Variants in DYM observed in about 807,000 individuals in gnomAD.
The protein encoded by DYM is dyggve-Melchior-Clausen syndrome protein.
Under a neutral mutation model 93.1 loss-of-function variants are expected in DYM, and 78 were observed. The observed-to-expected ratio is 0.84, with a 90% CI of 0.70 to 1.01. DYM has a LOEUF of 1.01. Among genes scored for constraint, DYM ranks in the 50% least tolerant of loss-of-function variants. The pLI, the probability that DYM is intolerant of heterozygous loss-of-function variation, is 0.00. For synonymous variants in DYM, 321 were observed against 319.7 expected (o/e 1.00, Z -0.04); for missense variants, 789 against 845.0 (o/e 0.93, Z 0.82).
In DYM at chr18:49,118,746, G is replaced by A. The variant is rs1316640687; in HGVS notation, c.1909C>T (p.Leu637=). 4 of 1,612,580 alleles carry A rather than the reference G, an allele frequency of 2.5e-6. No individual in the cohort carries two copies. The highest frequency in any genetic ancestry group is 3.4e-6 in the Non-Finnish European group (4 of 1,178,788). Residue 637 remains leucine (L), a splice_region_variant and synonymous_variant, in exon 16 of 18, where the codon CTG becomes TTG. Coordinates refer to ENST00000675505, the MANE Select transcript of DYM (RefSeq NM_001353214.3). ...TAAATGTCTTCATTTACACTCACCAGATCAATATTTTGCATTATATCCTGA... is the reference window on the plus strand; with the variant it reads ...TAAATGTCTTCATTTACACTCACCAAATCAATATTTTGCATTATATCCTGA... ...SFQDIMQNID[L]VISFFSSRLL...
intron 16 of DYM, among the ~76,000 whole-genome samples, chr18:49,104,151 G>C (rs1284078928): frequency 6.6e-6 from 1 of 152,038 alleles, no homozygotes; most frequent in Non-Finnish European, 1.5e-5. Context: ...TGGATTCCTA[G>C]GTATTTTATT....
At chr18:49,128,821 GA>G (rs1245600557) in intron 15 of DYM, among the ~76,000 whole-genome samples, 1 of 152,070 alleles carries the variant, frequency 6.6e-6, no homozygotes, top group Non-Finnish European at 1.5e-5. Flanking sequence ...GTTTTTAGAA[GA>G]AGAAGAAAAT....
In DYM at chr18:49,038,032, C is replaced by G. The variant is rs564731931; in HGVS notation, c.*6023G>C. Among the ~76,000 whole-genome samples the G allele has an allele frequency of 2.0e-5, 3 of 152,196 alleles. No homozygotes were observed. Among genetic ancestry groups the G allele is most frequent in the South Asian group, 4.2e-4 (2 of 4,808 alleles). On this transcript the variant is annotated 3_prime_UTR_variant, in exon 18 of 18. Coordinates refer to ENST00000675505, the MANE Select transcript of DYM (RefSeq NM_001353214.3). ...TAAAGGTGGGGCCTCATTATGTTGC[C>G]CAAGCTGGTCTCAAACTCCTGGGCT...
At chr18:49,237,878 A>T (rs1036103767) in intron 13 of DYM, among the ~76,000 whole-genome samples, 1 of 151,934 alleles carries the variant, frequency 6.6e-6, no homozygotes, top group African/African-American at 2.4e-5. Context: ...ATATATCTGA[A>T]AGAGCCTTCC....
chr18:49,396,218 A>G (rs2070056250), intron 2 of DYM, among the ~76,000 whole-genome samples: 1 of 152,172 alleles, frequency 6.6e-6, no homozygotes, highest in Non-Finnish European at 1.5e-5. Flanking sequence ...TCTTTATAGC[A>G]ACACAAAACA....
At chr18:49,309,793 GGAAT>G (rs1393462675) in intron 8 of DYM, among the ~76,000 whole-genome samples, 1 of 152,108 alleles carries the variant, frequency 6.6e-6, no homozygotes, top group Non-Finnish European at 1.5e-5. Flanking sequence ...GATCCTTAGG[GGAAT>G]AATAATGGAA....
intron 2 of DYM, chr18:49,413,095 G>A (rs1013285421): frequency 7.2e-5 from 11 of 152,136 alleles, no homozygotes; most frequent in Non-Finnish European, 1.2e-4. Flanking sequence ...ATTACCATAC[G>A]ATTTAATGCT....
At chr18:49,283,388 T>G (rs1402683587) in intron 9 of DYM, among the ~76,000 whole-genome samples, 1 of 151,758 alleles carries the variant, frequency 6.6e-6, no homozygotes, top group African/African-American at 2.4e-5. Context: ...AAATATAATC[T>G]CCAATGCAAA....
At chr18:49,453,290 G>C (rs1280580120) in intron 1 of DYM, among the ~76,000 whole-genome samples, 1 of 152,120 alleles carries the variant, frequency 6.6e-6, no homozygotes, top group Non-Finnish European at 1.5e-5. Context: ...GGTGGGGCCA[G>C]ATAAGGGAAT....
chr18:49,305,311 C>T (rs1055879848), intron 8 of DYM, among the ~76,000 whole-genome samples: 25 of 152,174 alleles, frequency 1.6e-4, no homozygotes, highest in African/African-American at 5.8e-4. Context: ...TATAACCATT[C>T]CACTTGCTCT....
At chr18:49,060,942 T>A (rs1008900232) in intron 17 of DYM, among the ~76,000 whole-genome samples, 3 of 151,944 alleles carry the variant, frequency 2.0e-5, no homozygotes, top group Non-Finnish European at 4.4e-5. Flanking sequence ...ATTTGAACCA[T>A]CCCTTTCTGA....
intron 15 of DYM, among the ~76,000 whole-genome samples, chr18:49,136,373 T>C (rs1044958477): frequency 1.3e-5 from 2 of 152,226 alleles, no homozygotes; most frequent in Non-Finnish European, 2.9e-5. Flanking sequence ...TAGCTACTTT[T>C]ATGATTACAT....
rs947769503 is a variant in DYM at position 49,040,384 on chromosome 18, C to T, written c.*3671G>A. Among the ~76,000 whole-genome samples, 1 of 152,078 alleles carries T rather than the reference C, an allele frequency of 6.6e-6. No homozygotes were observed. Among genetic ancestry groups the T allele is most frequent in the Non-Finnish European group, 1.5e-5 (1 of 68,008 alleles). ...GGGTCTTGGGGCTACTGGTGAGTCT[C>T]CCTTGCTTTGAGTGGGAACTCTGAA... is the stretch of plus-strand genomic sequence containing the variant. On this transcript the variant is annotated 3_prime_UTR_variant, in exon 18 of 18. Transcript: ENST00000675505.
chr18:49,170,780 CAAAAAAAAAAAAAAAAA>C (rs34297501), intron 14 of DYM, among the ~76,000 whole-genome samples: 1 of 31,212 alleles, frequency 3.2e-5, no homozygotes, highest in African/African-American at 1.4e-4. Context: ...GACTCCGTCT[CAAAAAAAAAAAAAAAAA>C]AAAAAAAAAA....
intron 2 of DYM, among the ~76,000 whole-genome samples, chr18:49,421,554 A>G (rs1276870933): frequency 6.6e-6 from 1 of 152,248 alleles, no homozygotes; most frequent in Non-Finnish European, 1.5e-5. Flanking sequence ...AAGAAACCAG[A>G]GCAGAAAAGC....
At chr18:49,402,868 C>T (rs1000452220) in intron 2 of DYM, among the ~76,000 whole-genome samples, 10 of 152,118 alleles carry the variant, frequency 6.6e-5, no homozygotes, top group Admixed American at 2.0e-4. Context: ...GGAAAGCGAT[C>T]GATTTTTGAA....
At chr18:49,436,021 A>G (rs1434404222) in intron 1 of DYM, among the ~76,000 whole-genome samples, 2 of 152,158 alleles carry the variant, frequency 1.3e-5, no homozygotes, top group Non-Finnish European at 2.9e-5. Flanking sequence ...AAATTTATTT[A>G]CTTATTTTAG....
At chr18:49,270,698 T>A (rs1462325610) in intron 11 of DYM, among the ~76,000 whole-genome samples, 1 of 152,162 alleles carries the variant, frequency 6.6e-6, no homozygotes, top group Non-Finnish European at 1.5e-5. Flanking sequence ...AACTTAAATA[T>A]ACACACAAAA....
chr18:49,141,258 T>C (rs2084461051), intron 15 of DYM, among the ~76,000 whole-genome samples: 1 of 152,176 alleles, frequency 6.6e-6, no homozygotes, highest in Non-Finnish European at 1.5e-5. Flanking sequence ...ACAACTGGAC[T>C]CCCAGCCTCA....
Sources: allele counts gnomAD v4.1 joint callset (sites outside exome capture counted in the v4.1 genomes callset), GRCh38; gene constraint gnomAD v4.1.1; transcripts MANE v1.5; gene names NCBI Gene and HGNC (gene_info 2026-07-23, HGNC 2026-07-21).